The following GAN variants were observed in gnomAD, a reference collection of about 807,000 sequenced individuals.
GAN encodes gigaxonin.
A neutral mutation model predicts 71.3 loss-of-function variants in GAN; 48 were observed. That is an observed-to-expected ratio of 0.67 (90% CI 0.53 to 0.86). The LOEUF (loss-of-function observed/expected upper bound fraction) is 0.86, where lower values mean the gene tolerates loss of function less well. Among genes scored for constraint, GAN ranks in the 40% least tolerant of loss-of-function variants. GAN has a pLI of 0.00. For synonymous variants in GAN, 386 were observed against 276.8 expected, an observed-to-expected ratio of 1.39 and a Z score of -3.92; for missense variants, 928 against 770.1, an observed-to-expected ratio of 1.21 and a Z score of -2.43.
Position 81,376,495 on chromosome 16 carries a change from GTGTGTGTGTGTGTGTA to G in GAN, c.1503-712_1503-697del, listed in dbSNP as rs1222847145. Among the ~76,000 whole-genome samples, 436 of 147,390 alleles carry G rather than the reference GTGTGTGTGTGTGTGTA, an allele frequency of 3.0e-3. 1 individual carries two copies. The highest frequency in any genetic ancestry group is 9.2e-3 in the African/African-American group (350 of 38,238). On this transcript the variant is annotated intron_variant, in intron 9 of 10. Transcript: ENST00000648994. ...TGTGTGTGTGTGTGTGTGTGTGTGT[GTGTGTGTGTGTGTGTA>G]TGTGTGTGTGTATACATATATGTGT...
At position 81,387,350 on chromosome 16, in the gene GAN, C is replaced by A. The variant is rs310019; in HGVS notation, c.*9754C>A. 2 of 151,934 alleles carry A rather than the reference C, an allele frequency of 1.3e-5. No individual in the cohort carries two copies. The highest frequency in any genetic ancestry group is 2.9e-5 in the Non-Finnish European group (2 of 68,018). 9.4% of individuals were successfully genotyped at this position (151,934 alleles called of 1,614,324 possible). On this transcript the variant is annotated 3_prime_UTR_variant, in exon 11 of 11. Coordinates refer to ENST00000648994, the MANE Select transcript of GAN (RefSeq NM_022041.4). ...GGTTGGCACGGCAACCTTCCCACTC[C>A]GTAGGTGGGTAGCCTTGCTGATGGG...
chr16:81,373,668 G>A (rs1178505888), intron 9 of GAN, among the ~76,000 whole-genome samples: 2 of 151,960 alleles, frequency 1.3e-5, no homozygotes, highest in Non-Finnish European at 2.9e-5. Flanking sequence ...CTTTTTTCTC[G>A]GTTTCCAGAT....
chr16:81,368,528 G>T (rs1379533149), intron 9 of GAN, among the ~76,000 whole-genome samples: 2 of 152,154 alleles, frequency 1.3e-5, no homozygotes, highest in African/African-American at 4.8e-5. Flanking sequence ...GATCACTTGA[G>T]CCTGGGAAGT....
chr16:81,369,971 A>G (rs529097921), intron 9 of GAN, among the ~76,000 whole-genome samples: 3 of 152,224 alleles, frequency 2.0e-5, no homozygotes, highest in Admixed American at 6.5e-5. Context: ...TCCTCACACA[A>G]ATGTTGTATC....
intron 9 of GAN, among the ~76,000 whole-genome samples, chr16:81,376,631 CATATAT>C (rs1567500977): frequency 6.8e-6 from 1 of 147,550 alleles, no homozygotes; most frequent in Non-Finnish European, 1.5e-5. Flanking sequence ...TATATACATA[CATATAT>C]GTGTGTATAT....
intron 1 of GAN, among the ~76,000 whole-genome samples, chr16:81,349,255 A>G (rs1910220837): frequency 6.6e-6 from 1 of 151,284 alleles, no homozygotes; most frequent in African/African-American, 2.4e-5. Context: ...GGAAGTCTTC[A>G]GTCCAATTCA....
chr16:81,354,396 CT>C lies in GAN; in HGVS notation c.283-3del. 2 of 1,574,048 alleles carry C rather than the reference CT, an allele frequency of 1.3e-6. No individual in the cohort carries two copies. The highest frequency in any genetic ancestry group is 1.7e-6 in the Non-Finnish European group (2 of 1,143,500). ...ATTCAAATATAAGATAATTATGCTA[CT>C]TTTTTAGATCAGGCTAAATGAAGAT... On this transcript the variant is annotated splice_region_variant and splice_polypyrimidine_tract_variant and intron_variant, in intron 2 of 10. Transcript: ENST00000648994.
intron 1 of GAN, among the ~76,000 whole-genome samples, chr16:81,338,443 T>C (rs1348768553): frequency 6.6e-6 from 1 of 152,180 alleles, no homozygotes; most frequent in Non-Finnish European, 1.5e-5. Context: ...TAAATGATTA[T>C]TCATTACTCA....
At chr16:81,336,309 T>G (rs1909759963) in intron 1 of GAN, among the ~76,000 whole-genome samples, 1 of 152,216 alleles carries the variant, frequency 6.6e-6, no homozygotes, top group South Asian at 2.1e-4. Context: ...TGGCAGGAAC[T>G]GTGAGATAGA....
chr16:81,356,917 C>T lies in GAN; in HGVS notation c.766C>T (p.Pro256Ser). 6.2e-7 allele frequency: 1 copy of T among 1,613,814 alleles called. No homozygotes were observed. The highest frequency in any genetic ancestry group is 8.5e-7 in the Non-Finnish European group (1 of 1,179,766). The change falls in exon 4 of 11, where the codon CCG (proline) becomes TCG (serine). Residue 256 changes from proline (P) to serine (S), a missense_variant. Coordinates refer to ENST00000648994, the MANE Select transcript of GAN (RefSeq NM_022041.4). The stretch of plus-strand genomic sequence containing the variant: ...GTGTAGCAATATACCGCTCAGCCAG[C>T]CGCAGCAAGGGGAGGCGATGCTGGC... ...KECSNIPLSQPQQGEAMLANF... is the reference protein window; with the variant it reads ...KECSNIPLSQSQQGEAMLANF...
Position 81,389,686 on chromosome 16 carries a change from G to A in GAN, c.*12090G>A, listed in dbSNP as rs1904508345. On this transcript the variant is annotated 3_prime_UTR_variant, in exon 11 of 11. Coordinates refer to ENST00000648994, the MANE Select transcript of GAN (RefSeq NM_022041.4). ...GGTATAGGTCTTCTGCCATGAAAGA[G>A]AACTATCAAGGAAATTCCTGAAAAC... 6.6e-6 allele frequency: 1 copy of A among 152,200 alleles called. No homozygotes were observed. Among genetic ancestry groups the A allele is most frequent in the Non-Finnish European group, 1.5e-5 (1 of 68,050 alleles). The allele number at this position is 152,200 out of a possible 1,614,324, so 9.4% of individuals were successfully genotyped here.
At position 81,357,147 on chromosome 16, in the gene GAN, G is replaced by A; in HGVS notation, c.851+145G>A. 3 of 687,316 alleles carry A rather than the reference G, an allele frequency of 4.4e-6. No homozygotes were observed. The Admixed American group carries it at 6.2e-5, about 14-fold the overall frequency. The allele number at this position is 687,316 out of a possible 1,614,324, so 42.6% of individuals were successfully genotyped here. A position where few individuals can be genotyped will look rare whatever the true frequency, so the allele number is the denominator to read the frequency against. On this transcript the variant is annotated intron_variant, in intron 4 of 10. Transcript: ENST00000648994. ...ATACTTTAAGTTTTAGGGTACATGT[G>A]CACAATGTGCAGGTTAGTTACATAT...
intron 1 of GAN, among the ~76,000 whole-genome samples, chr16:81,331,261 A>C (rs763366287): frequency 6.6e-6 from 1 of 152,204 alleles, no homozygotes; most frequent in Non-Finnish European, 1.5e-5. Context: ...TGACCAGTGC[A>C]CATCAAAGTG....
At chr16:81,365,511 A>C (rs769697301) in intron 9 of GAN, 33 bp downstream of exon 9, 2 of 1,603,502 alleles carry the variant, frequency 1.2e-6, no homozygotes, top group East Asian at 4.5e-5. Context: ...AGCTACTGCA[A>C]CTTTTTCTTT....
intron 1 of GAN, among the ~76,000 whole-genome samples, chr16:81,317,147 G>A (rs553699661): frequency 2.6e-4 from 40 of 152,338 alleles, no homozygotes; most frequent in African/African-American, 9.6e-4. Flanking sequence ...GTGAGCCGTG[G>A]CACCCGGCGG....
rs117382792 is a variant in GAN, at chr16:81,370,744, C to T, written c.1502+5266C>T. Among the ~76,000 whole-genome samples, 926 of 152,368 alleles carry T rather than the reference C, an allele frequency of 6.1e-3. 8 individuals are homozygous for T. The highest frequency in any genetic ancestry group is 0.011 in the Non-Finnish European group (719 of 68,034). On this transcript the variant is annotated intron_variant, in intron 9 of 10. Transcript: ENST00000648994. ...CTTGCCAGTCTGCACCCTCTGTGAA[C>T]AAAAGACCAGCTTCTACACTGGGTT...
chr16:81,356,054 T>C (rs1910474702), intron 3 of GAN, among the ~76,000 whole-genome samples: 1 of 152,204 alleles, frequency 6.6e-6, no homozygotes, highest in Non-Finnish European at 1.5e-5. Context: ...CGTCCTGCCC[T>C]CTTCTTGCCT....
intron 1 of GAN, among the ~76,000 whole-genome samples, chr16:81,323,208 G>A (rs1472159402): frequency 6.6e-6 from 1 of 152,082 alleles, no homozygotes; most frequent in Non-Finnish European, 1.5e-5. Context: ...GACTTCTCTC[G>A]GGGTTTTTGG....
intron 4 of GAN, among the ~76,000 whole-genome samples, chr16:81,357,568 C>A (rs1400352529): frequency 6.6e-6 from 1 of 152,110 alleles, no homozygotes; most frequent in Non-Finnish European, 1.5e-5. Context: ...AATAAACATA[C>A]GTGTGCATGT....
Sources: gnomAD v4.1 joint callset for allele counts (sites outside exome capture counted in the v4.1 genomes callset) on GRCh38, gnomAD v4.1.1 for gene constraint, MANE v1.5 for transcripts, NCBI Gene and HGNC (gene_info 2026-07-23, HGNC 2026-07-21) for gene names.